Variants in KLF12 observed in about 807,000 individuals in gnomAD.
The protein encoded by KLF12 is KLF transcription factor 12, also known as Krueppel-like factor 12.
A neutral mutation model predicts 37.8 loss-of-function variants in KLF12; 9 were observed. That is an observed-to-expected ratio of 0.24 (90% CI 0.14 to 0.42). The LOEUF (loss-of-function observed/expected upper bound fraction) is 0.42, where lower values mean the gene tolerates loss of function less well. Ranked by LOEUF, KLF12 falls within the 10% of genes least tolerant of loss-of-function variation. The probability of loss-of-function intolerance (pLI) is 1.00; values close to 1 mark genes in which losing one functional copy is unlikely to be tolerated. For missense variants in KLF12, 411 were observed against 516.0 expected, an observed-to-expected ratio of 0.80 and a Z score of 1.97; for synonymous variants, 208 against 202.1, an observed-to-expected ratio of 1.03 and a Z score of -0.25.
At chr13:73,789,086 A>G (rs1881514128) in intron 5 of KLF12, among the ~76,000 whole-genome samples, 1 of 152,176 alleles carries the variant, frequency 6.6e-6, no homozygotes, top group Non-Finnish European at 1.5e-5. Context: ...TTGATGAGTT[A>G]AGGGCACAAA....
chr13:73,747,283 A>T (rs1431177796), intron 6 of KLF12, among the ~76,000 whole-genome samples: 1 of 152,184 alleles, frequency 6.6e-6, no homozygotes, highest in Non-Finnish European at 1.5e-5. Flanking sequence ...GGAGGAATGA[A>T]GAACCCAGGC....
chr13:74,195,724 G>A, the KLF12 span, among the ~76,000 whole-genome samples: 1,839 of 152,074 alleles, frequency 0.012, 35 homozygotes, highest in African/African-American at 0.042. Flanking sequence ...TCAGCCTCCC[G>A]AATAGTTGGG....
chr13:74,217,854 A>G, the KLF12 span, among the ~76,000 whole-genome samples: 1 of 152,356 alleles, frequency 6.6e-6, no homozygotes, highest in South Asian at 2.1e-4. Context: ...AAGAATTGTG[A>G]GATGACTTGT....
At chr13:74,134,850 C>T (rs1004786345), upstream of KLF12, among the ~76,000 whole-genome samples, 1 of 151,974 alleles carries the variant, frequency 6.6e-6, no homozygotes, top group African/African-American at 2.4e-5. Flanking sequence ...CGCACCCGCC[C>T]GGGTGGGGGC....
chr13:73,910,821 A>C (rs917818219), intron 3 of KLF12, among the ~76,000 whole-genome samples: 1 of 152,220 alleles, frequency 6.6e-6, no homozygotes, highest in Non-Finnish European at 1.5e-5. Context: ...TAATCCATTC[A>C]TAGATTAATT....
chr13:73,695,992 A>G (rs1285114636), intron 7 of KLF12, among the ~76,000 whole-genome samples: 1 of 152,148 alleles, frequency 6.6e-6, no homozygotes, highest in East Asian at 1.9e-4. Context: ...CTAAAGCTTT[A>G]CCCAGTTTGA....
intron 1 of KLF12, among the ~76,000 whole-genome samples, chr13:74,057,920 A>G (rs1873337750): frequency 6.6e-6 from 1 of 152,106 alleles, no homozygotes; most frequent in Non-Finnish European, 1.5e-5. Flanking sequence ...GGAAACAGGG[A>G]AAAACAAAAA....
At chr13:73,869,707 A>G (rs1373324555) in intron 3 of KLF12, among the ~76,000 whole-genome samples, 1 of 151,990 alleles carries the variant, frequency 6.6e-6, no homozygotes, top group African/African-American at 2.4e-5. Flanking sequence ...TTACTCTTTA[A>G]TAGTTGTTAA....
intron 3 of KLF12, among the ~76,000 whole-genome samples, chr13:73,881,825 A>T (rs1354535915): frequency 6.6e-6 from 1 of 152,190 alleles, no homozygotes; most frequent in Non-Finnish European, 1.5e-5. Context: ...TCCTAGCACA[A>T]GATCATGAAT....
At chr13:74,139,989 GTATTA>G in the KLF12 span, among the ~76,000 whole-genome samples, 5 of 151,586 alleles carry the variant, frequency 3.3e-5, no homozygotes, top group Non-Finnish European at 5.9e-5. Flanking sequence ...ATTAACCTAG[GTATTA>G]TATTAAGATG....
intron 1 of KLF12, among the ~76,000 whole-genome samples, chr13:74,003,854 G>A (rs1334803859): frequency 2.6e-5 from 4 of 152,156 alleles, no homozygotes; most frequent in Non-Finnish European, 5.9e-5. Flanking sequence ...AAATAATTTT[G>A]AAAAATATTG....
chr13:73,895,558 G>C (rs1375215423), intron 3 of KLF12, among the ~76,000 whole-genome samples: 1 of 152,164 alleles, frequency 6.6e-6, no homozygotes, highest in East Asian at 1.9e-4. Flanking sequence ...TGGGTGGTTA[G>C]TAATGTTGAC....
chr13:74,136,157 T>C (rs1276521159), upstream of KLF12, among the ~76,000 whole-genome samples: 1 of 151,694 alleles, frequency 6.6e-6, no homozygotes, highest in Non-Finnish European at 1.5e-5. Flanking sequence ...ACTGCTCGAG[T>C]GAAGTAGCCT....
chr13:74,297,040 G>A, the KLF12 span, among the ~76,000 whole-genome samples: 2 of 146,240 alleles, frequency 1.4e-5, no homozygotes, highest in Non-Finnish European at 3.1e-5. Flanking sequence ...TCTCATGGGG[G>A]GGACTCTTGG....
intron 1 of KLF12, among the ~76,000 whole-genome samples, chr13:74,020,684 A>AT (rs1204510585): frequency 6.6e-6 from 1 of 152,032 alleles, no homozygotes; most frequent in Non-Finnish European, 1.5e-5. Context: ...AGGTCAGGAG[A>AT]TTGAGACCAT....
intron 5 of KLF12, among the ~76,000 whole-genome samples, chr13:73,810,944 T>A (rs1283598550): frequency 6.9e-6 from 1 of 144,202 alleles, no homozygotes; most frequent in Non-Finnish European, 1.5e-5. Flanking sequence ...GATACACAAG[T>A]AAGAGATAAA....
intron 3 of KLF12, among the ~76,000 whole-genome samples, chr13:73,935,233 C>A (rs906988758): frequency 3.3e-5 from 5 of 152,146 alleles, no homozygotes; most frequent in Admixed American, 1.3e-4. Flanking sequence ...AAGTGACCCA[C>A]ATACCTCGGC....
chr13:73,860,490 T>G (rs1341179267), intron 3 of KLF12, among the ~76,000 whole-genome samples: 1 of 152,130 alleles, frequency 6.6e-6, no homozygotes, highest in African/African-American at 2.4e-5. Context: ...ATCACAGCAC[T>G]TTAGGAGGCC....
At chr13:73,905,686 C>T (rs1224242161) in intron 3 of KLF12, among the ~76,000 whole-genome samples, 1 of 151,790 alleles carries the variant, frequency 6.6e-6, no homozygotes, top group African/African-American at 2.4e-5. Context: ...AAATACTGCA[C>T]TGAAAATAAT....
Sources: allele counts gnomAD v4.1 joint callset (sites outside exome capture counted in the v4.1 genomes callset), GRCh38; gene constraint gnomAD v4.1.1; transcripts MANE v1.5; gene names NCBI Gene and HGNC (gene_info 2026-07-23, HGNC 2026-07-21).